Variants in SCHIP1 observed in about 807,000 individuals in gnomAD.
The protein encoded by SCHIP1 is schwannomin-interacting protein 1.
In SCHIP1, 8 loss-of-function variants were observed where a neutral mutation model predicts 29.7. The observed-to-expected ratio is 0.27, with a 90% CI of 0.16 to 0.49. The LOEUF (loss-of-function observed/expected upper bound fraction) is 0.49. Among genes scored for constraint, SCHIP1 ranks in the 20% least tolerant of loss-of-function variants. The pLI is 0.99. For synonymous variants in SCHIP1, 76 were observed against 94.9 expected (o/e 0.80, Z 1.16); for missense variants, 193 against 294.6 (o/e 0.66, Z 2.52).
chr3:159,460,662 C>T, the SCHIP1 span, among the ~76,000 whole-genome samples: 2 of 152,096 alleles, frequency 1.3e-5, no homozygotes, highest in Non-Finnish European at 2.9e-5. Context: ...CTTCTTGTTT[C>T]TGGCAGATAT....
At chr3:159,396,896 A>G in the SCHIP1 span, among the ~76,000 whole-genome samples, 118,082 of 147,446 alleles carry the variant, frequency 0.8, 47,580 homozygotes, top group Middle Eastern at 0.83. Context: ...AGTTCTCCTG[A>G]ATAATATCCT....
chr3:159,466,142 C>A, the SCHIP1 span, among the ~76,000 whole-genome samples: 2 of 151,952 alleles, frequency 1.3e-5, no homozygotes, highest in African/African-American at 4.8e-5. Flanking sequence ...AATGTATCTT[C>A]AAGAAGATTA....
At chr3:159,609,827 A>G in the SCHIP1 span, among the ~76,000 whole-genome samples, 1 of 152,042 alleles carries the variant, frequency 6.6e-6, no homozygotes, top group African/African-American at 2.4e-5. Flanking sequence ...ATATGATTAC[A>G]TTCTGGAATT....
At chr3:159,811,401 C>T in the SCHIP1 span, among the ~76,000 whole-genome samples, 1 of 152,156 alleles carries the variant, frequency 6.6e-6, no homozygotes, top group African/African-American at 2.4e-5. Flanking sequence ...CTGCTTTCTT[C>T]TACAAGTTTT....
At chr3:159,651,953 G>A in the SCHIP1 span, among the ~76,000 whole-genome samples, 10 of 152,040 alleles carry the variant, frequency 6.6e-5, no homozygotes, top group Non-Finnish European at 1.3e-4. Flanking sequence ...AAAATTAGCC[G>A]GGCATGGTGG....
At chr3:159,368,927 T>A in the SCHIP1 span, among the ~76,000 whole-genome samples, 3 of 152,352 alleles carry the variant, frequency 2.0e-5, no homozygotes, top group African/African-American at 7.2e-5. Context: ...TGTGTGTGAC[T>A]GCACTTTGTA....
chr3:159,637,035 CAAAT>C, the SCHIP1 span, among the ~76,000 whole-genome samples: 1 of 152,106 alleles, frequency 6.6e-6, no homozygotes, highest in Non-Finnish European at 1.5e-5. Context: ...TGATATGAAT[CAAAT>C]GAAGGCTGTT....
the SCHIP1 span, among the ~76,000 whole-genome samples, chr3:159,294,958 G>T: frequency 2.0e-5 from 3 of 152,046 alleles, no homozygotes; most frequent in African/African-American, 7.2e-5. Flanking sequence ...GAAAGGGAAA[G>T]GTAGTTTACT....
the SCHIP1 span, among the ~76,000 whole-genome samples, chr3:159,634,683 T>C: frequency 6.6e-6 from 1 of 152,234 alleles, no homozygotes; most frequent in Non-Finnish European, 1.5e-5. Context: ...CAGGTTGTTC[T>C]CAGATTTGTT....
the SCHIP1 span, among the ~76,000 whole-genome samples, chr3:159,325,649 CCTTTT>C: frequency 1.8e-4 from 27 of 152,056 alleles, no homozygotes; most frequent in Non-Finnish European, 3.2e-4. Flanking sequence ...ATTATTTCTT[CCTTTT>C]CTTGTCACCA....
At chr3:159,446,651 G>T in the SCHIP1 span, among the ~76,000 whole-genome samples, 1 of 151,946 alleles carries the variant, frequency 6.6e-6, no homozygotes, top group African/African-American at 2.4e-5. Flanking sequence ...GCACAGGCAG[G>T]GCAACAAGGA....
chr3:159,535,503 G>C, the SCHIP1 span, among the ~76,000 whole-genome samples: 3 of 152,080 alleles, frequency 2.0e-5, no homozygotes, highest in Non-Finnish European at 4.4e-5. Context: ...GTGCCTCTCT[G>C]GTCCCCAGCC....
At chr3:159,404,660 G>A in the SCHIP1 span, among the ~76,000 whole-genome samples, 2 of 152,204 alleles carry the variant, frequency 1.3e-5, no homozygotes, top group East Asian at 3.9e-4. Context: ...CTGACTTCAG[G>A]CCCTAGCTCC....
the SCHIP1 span, among the ~76,000 whole-genome samples, chr3:159,349,113 A>G: frequency 7.9e-5 from 12 of 152,206 alleles, no homozygotes; most frequent in African/African-American, 2.7e-4. Context: ...AATGAATGCC[A>G]TCTTTTTTAG....
At chr3:159,407,829 G>C in the SCHIP1 span, among the ~76,000 whole-genome samples, 2 of 152,086 alleles carry the variant, frequency 1.3e-5, no homozygotes, top group African/African-American at 4.8e-5. Context: ...AAAATTTCTT[G>C]AAACAAATCA....
At chr3:159,598,268 T>G in the SCHIP1 span, among the ~76,000 whole-genome samples, 1 of 152,204 alleles carries the variant, frequency 6.6e-6, no homozygotes, top group African/African-American at 2.4e-5. Flanking sequence ...CCCAAAGTCT[T>G]AACTCATTCC....
intron 2 of SCHIP1, among the ~76,000 whole-genome samples, chr3:159,879,923 T>C (rs948751636): frequency 8.5e-5 from 13 of 152,216 alleles, no homozygotes; most frequent in African/African-American, 2.2e-4. Flanking sequence ...TGTGGCTATG[T>C]GGTGCCACAG....
intron 1 of SCHIP1, among the ~76,000 whole-genome samples, chr3:159,862,471 A>G (rs982010157): frequency 6.6e-6 from 1 of 152,204 alleles, no homozygotes; most frequent in Non-Finnish European, 1.5e-5. Context: ...TACAGCTGCT[A>G]AGTAATTTAC....
At chr3:159,504,424 TA>T in the SCHIP1 span, among the ~76,000 whole-genome samples, 3 of 152,208 alleles carry the variant, frequency 2.0e-5, no homozygotes, top group Non-Finnish European at 2.9e-5. Context: ...AGTGGAATTT[TA>T]AAGTATATTT....
Sources: gnomAD v4.1 joint callset for allele counts (sites outside exome capture counted in the v4.1 genomes callset) on GRCh38, gnomAD v4.1.1 for gene constraint, MANE v1.5 for transcripts, NCBI Gene and HGNC (gene_info 2026-07-23, HGNC 2026-07-21) for gene names.